DHRSX: variants seen among roughly 807,000 people sequenced by gnomAD.
DHRSX encodes dehydrogenase/reductase X-linked.
Under a neutral mutation model 34.0 loss-of-function variants are expected in DHRSX, and 31 were observed. That is an observed-to-expected ratio of 0.91 (90% CI 0.69 to 1.23). The LOEUF is 1.23. Among genes scored for constraint, DHRSX ranks in the 50% most tolerant of loss-of-function variants. The pLI is 0.00. For synonymous variants in DHRSX, 201 were observed against 183.8 expected (o/e 1.09, Z -0.76); for missense variants, 414 against 428.1 (o/e 0.97, Z 0.29).
intron 2 of DHRSX, among the ~76,000 whole-genome samples, chrX:2,422,150 C>A (rs2043788230): frequency 6.6e-6 from 1 of 152,226 alleles, no homozygotes; most frequent in Non-Finnish European, 1.5e-5. Context: ...ATGTTGAAAT[C>A]TCCAGCCCTA....
chrX:2,371,474 GA>G (rs2043066174), intron 3 of DHRSX, among the ~76,000 whole-genome samples: 1 of 135,332 alleles, frequency 7.4e-6, no homozygotes, highest in Admixed American at 7.4e-5. Context: ...CGTTACCATA[GA>G]CCCTCCTCCT....
intron 3 of DHRSX, among the ~76,000 whole-genome samples, chrX:2,350,196 C>T (rs1797391311): frequency 6.6e-6 from 1 of 151,214 alleles, no homozygotes; most frequent in Non-Finnish European, 1.5e-5. Flanking sequence ...CTAAGAAGTA[C>T]AAAAATTAGC....
At chrX:2,411,067 T>C (rs2043621209) in intron 2 of DHRSX, among the ~76,000 whole-genome samples, 1 of 152,098 alleles carries the variant, frequency 6.6e-6, no homozygotes, top group Admixed American at 6.5e-5. Flanking sequence ...GTATATTCCA[T>C]CTATAAATGT....
chrX:2,327,587 T>C (rs2042401607), intron 3 of DHRSX, among the ~76,000 whole-genome samples: 1 of 149,792 alleles, frequency 6.7e-6, no homozygotes, highest in African/African-American at 2.6e-5. Flanking sequence ...GGAAAAGCCA[T>C]TGTCAGCACA....
At chrX:2,455,806 A>G (rs2044288951) in intron 1 of DHRSX, among the ~76,000 whole-genome samples, 1 of 151,644 alleles carries the variant, frequency 6.6e-6, no homozygotes, top group Non-Finnish European at 1.5e-5. Context: ...TATGGGGAAC[A>G]TTTTACTGAT....
At chrX:2,222,681 G>A (rs914909586) in intron 6 of DHRSX, among the ~76,000 whole-genome samples, 2 of 152,174 alleles carry the variant, frequency 1.3e-5, no homozygotes, top group Non-Finnish European at 2.9e-5. Flanking sequence ...AGTTCAAGAT[G>A]AGTGTGGGCC....
At chrX:2,479,949 C>T (rs1311454462) in intron 1 of DHRSX, among the ~76,000 whole-genome samples, 6 of 152,176 alleles carry the variant, frequency 3.9e-5, no homozygotes, top group African/African-American at 9.7e-5. Context: ...CACTAAAGTC[C>T]AGAAACGGGC....
rs772146955 is a variant in DHRSX, at chrX:2,403,029, T to C, written c.286+5716A>G. On this transcript the variant is annotated intron_variant, in intron 3 of 6. Coordinates refer to ENST00000334651, the MANE Select transcript of DHRSX (RefSeq NM_145177.3). ...TCCCAAGTAGCTGGGACTACAGGTG[T>C]GCACCACCACGCCCGGCTAATTTTT... is the stretch of plus-strand genomic sequence containing the variant. 1.1e-4 allele frequency among the ~76,000 whole-genome samples: 17 copies of C among 151,946 alleles called. No individual in the cohort carries two copies. The South Asian group carries it at 3.5e-3, about 32-fold the overall frequency.
chrX:2,221,133 T>TG lies in DHRSX; in HGVS notation c.900dup (p.Lys301GlnfsTer18). On this transcript the variant is annotated frameshift_variant, in exon 7 of 7. Transcript: ENST00000334651. LOFTEE classifies it high-confidence loss of function. The stretch of plus-strand genomic sequence containing the variant: ...TGGTTGTAGGTGACGTGGAGGGACT[T>TG]GGTCTCTTTCTCGTTGTATAGGTAA... 6.2e-7 allele frequency: 1 copy of TG among 1,613,870 alleles called. No individual in the cohort carries two copies. The highest frequency in any genetic ancestry group is 1.3e-5 in the African/African-American group (1 of 75,006).
At chrX:2,274,242 T>C (rs1398356064) in intron 4 of DHRSX, among the ~76,000 whole-genome samples, 4 of 151,910 alleles carry the variant, frequency 2.6e-5, no homozygotes, top group African/African-American at 4.8e-5. Flanking sequence ...TTCACCATGT[T>C]GGCCAGGCTG....
At chrX:2,440,934 C>T (rs2044054867) in intron 1 of DHRSX, among the ~76,000 whole-genome samples, 1 of 152,176 alleles carries the variant, frequency 6.6e-6, no homozygotes, top group Non-Finnish European at 1.5e-5. Context: ...TGAAGAGCAA[C>T]GCTGTAACCA....
At chrX:2,414,233 C>T (rs1460793258) in intron 2 of DHRSX, among the ~76,000 whole-genome samples, 1 of 151,902 alleles carries the variant, frequency 6.6e-6, no homozygotes, top group African/African-American at 2.4e-5. Flanking sequence ...CCAACTATAC[C>T]TCATCATAAC....
chrX:2,266,325 A>G (rs1481064416), intron 5 of DHRSX, among the ~76,000 whole-genome samples: 204 of 140,726 alleles, frequency 1.4e-3, no homozygotes, highest in Non-Finnish European at 1.2e-3. Context: ...AATGCTCGGC[A>G]GACACAGGGA....
chrX:2,382,336 G>A (rs1603030361), intron 3 of DHRSX, among the ~76,000 whole-genome samples: 2 of 152,096 alleles, frequency 1.3e-5, no homozygotes, highest in South Asian at 4.1e-4. Flanking sequence ...ACAGAGACTT[G>A]GGAGGAAGGA....
At chrX:2,283,519 G>A (rs1462046663) in intron 4 of DHRSX, among the ~76,000 whole-genome samples, 1 of 152,096 alleles carries the variant, frequency 6.6e-6, no homozygotes, top group African/African-American at 2.4e-5. Context: ...TGTGGAGCCC[G>A]AGTCACATAG....
chrX:2,428,609 A>G (rs1453503253), intron 1 of DHRSX, among the ~76,000 whole-genome samples: 3 of 152,120 alleles, frequency 2.0e-5, no homozygotes, highest in Admixed American at 6.6e-5. Flanking sequence ...ATCACACACC[A>G]GGGCCTGTCA....
chrX:2,340,342 TAAAA>T (rs1329883003), intron 3 of DHRSX, among the ~76,000 whole-genome samples: 1 of 151,890 alleles, frequency 6.6e-6, no homozygotes, highest in Non-Finnish European at 1.5e-5. Context: ...AGTATAATAA[TAAAA>T]AAAGTAATAG....
intron 3 of DHRSX, among the ~76,000 whole-genome samples, chrX:2,297,266 G>A (rs908303617): frequency 6.6e-6 from 1 of 152,220 alleles, no homozygotes; most frequent in African/African-American, 2.4e-5. Context: ...GGGACCACAG[G>A]TGCGCAGCAC....
intron 3 of DHRSX, among the ~76,000 whole-genome samples, chrX:2,396,677 C>T (rs990085431): frequency 6.6e-6 from 1 of 151,958 alleles, no homozygotes; most frequent in African/African-American, 2.4e-5. Flanking sequence ...AGGGGGCATC[C>T]TTCCTGCCTC....
Sources: allele counts gnomAD v4.1 joint callset (sites outside exome capture counted in the v4.1 genomes callset), GRCh38; gene constraint gnomAD v4.1.1; transcripts MANE v1.5; gene names NCBI Gene and HGNC (gene_info 2026-07-23, HGNC 2026-07-21).